The following DOCK2 variants were observed in gnomAD, a reference collection of about 807,000 sequenced individuals.
DOCK2 encodes dedicator of cytokinesis protein 2.
A neutral mutation model predicts 248.9 loss-of-function variants in DOCK2; 87 were observed. That is an observed-to-expected ratio of 0.35 (90% CI 0.29 to 0.42). The LOEUF (loss-of-function observed/expected upper bound fraction) is 0.42, where lower values mean the gene tolerates loss of function less well. Among genes scored for constraint, DOCK2 ranks in the 10% least tolerant of loss-of-function variants. The pLI is 1.00. For synonymous variants in DOCK2, 805 were observed against 821.6 expected, an observed-to-expected ratio of 0.98 and a Z score of 0.35; for missense variants, 1,747 against 2,300.2, an observed-to-expected ratio of 0.76 and a Z score of 4.92.
chr5:169,681,937 C>T lies in DOCK2; in HGVS notation c.606+58C>T, dbSNP rs969852864. On this transcript the variant is annotated intron_variant, in intron 7 of 51. Coordinates refer to ENST00000520908, the MANE Select transcript of DOCK2 (RefSeq NM_004946.3). ...ATACAATCATTTAGCACATCATAAA[C>T]TTAAAATAATGGGCTAATGAACCAG... 2.5e-6 allele frequency: 4 copies of T among 1,593,426 alleles called. No homozygotes were observed. In the Admixed American group the frequency reaches 5.1e-5, roughly 21 times the overall value.
intron 27 of DOCK2, among the ~76,000 whole-genome samples, chr5:169,933,459 A>C (rs973199886): frequency 3.3e-5 from 5 of 152,252 alleles, no homozygotes; most frequent in Non-Finnish European, 5.9e-5. Context: ...CTGGTAAATC[A>C]GTCATTATCC....
chr5:169,761,719 G>GT (rs753764852), intron 25 of DOCK2, 94 bp downstream of exon 25: 3 of 968,124 alleles, frequency 3.1e-6, no homozygotes, highest in Non-Finnish European at 4.8e-6. Flanking sequence ...AACCTGTCCA[G>GT]TGACTATAAC....
intron 1 of DOCK2, among the ~76,000 whole-genome samples, chr5:169,651,755 G>A (rs980145677): frequency 4.6e-5 from 7 of 152,150 alleles, no homozygotes; most frequent in Admixed American, 2.6e-4. Flanking sequence ...GGCCAAGTGC[G>A]GAGGGAATGA....
rs1581078078 is a variant in DOCK2, at chr5:169,712,020, C to A, written c.1555+13C>A. ...TCATCTCTGGAATGTGAGTACCATACTGAATGGCATCTCTGCACCTCCCCC... is the reference window on the plus strand; with the variant it reads ...TCATCTCTGGAATGTGAGTACCATAATGAATGGCATCTCTGCACCTCCCCC... On this transcript the variant is annotated intron_variant, in intron 16 of 51. Coordinates refer to ENST00000520908, the MANE Select transcript of DOCK2 (RefSeq NM_004946.3). 3 of 1,613,998 alleles carry A rather than the reference C, an allele frequency of 1.9e-6. No homozygotes were observed. In the African/African-American group the frequency reaches 4.0e-5, roughly 22 times the overall value.
intron 23 of DOCK2, 106 bp from the exon 24 acceptor site, chr5:169,759,599 G>A (rs1274010826): frequency 6.5e-6 from 8 of 1,222,304 alleles, no homozygotes; most frequent in Non-Finnish European, 9.5e-6. Context: ...TGTCCAGGAT[G>A]CAGAATCATT....
intron 27 of DOCK2, chr5:169,980,385 A>T: frequency 6.6e-6 from 1 of 152,228 alleles, no homozygotes; most frequent in East Asian, 1.9e-4. Flanking sequence ...TAAGTCCTTC[A>T]TATTGTAATT....
chr5:169,949,381 A>G (rs1365296373), intron 27 of DOCK2, among the ~76,000 whole-genome samples: 1 of 152,132 alleles, frequency 6.6e-6, no homozygotes, highest in Non-Finnish European at 1.5e-5. Context: ...ATCCCATTCC[A>G]TGTTCCTGGG....
Position 169,767,222 on chromosome 5 carries a change from C to G in DOCK2, c.2554+5597C>G, listed in dbSNP as rs575738284. On this transcript the variant is annotated intron_variant, in intron 25 of 51. Coordinates refer to ENST00000520908, the MANE Select transcript of DOCK2 (RefSeq NM_004946.3). ...GAAGTGTCTGTTCATGTCCTTTGTC[C>G]GCTTTTTAATGGGGTTGTTGTTTTT... Among the ~76,000 whole-genome samples the G allele has an allele frequency of 4.6e-5, 7 of 152,240 alleles. No individual in the cohort carries two copies. In the East Asian group the frequency reaches 1.3e-3, roughly 29 times the overall value.
At chr5:169,917,137 AC>A (rs1229709626) in intron 27 of DOCK2, among the ~76,000 whole-genome samples, 1 of 152,184 alleles carries the variant, frequency 6.6e-6, no homozygotes, top group Non-Finnish European at 1.5e-5. Flanking sequence ...ACAAAAGACA[AC>A]CTTTTTTAGT....
chr5:169,722,876 TG>T (rs1762282922), intron 22 of DOCK2, among the ~76,000 whole-genome samples: 1 of 152,206 alleles, frequency 6.6e-6, no homozygotes, highest in South Asian at 2.1e-4. Context: ...TTTATTTCTC[TG>T]GAGGCAGGGA....
chr5:169,732,108 G>T (rs923732534), intron 22 of DOCK2, among the ~76,000 whole-genome samples: 7 of 152,154 alleles, frequency 4.6e-5, no homozygotes, highest in Admixed American at 1.3e-4. Flanking sequence ...GACAGAGTGA[G>T]ACCCCATCTT....
intron 19 of DOCK2, among the ~76,000 whole-genome samples, chr5:169,715,470 C>T (rs1484031826): frequency 6.6e-6 from 1 of 152,112 alleles, no homozygotes; most frequent in East Asian, 1.9e-4. Flanking sequence ...ACCCATCTAC[C>T]TCGTTCAGCA....
chr5:170,007,244 A>G (rs576774742), intron 30 of DOCK2, among the ~76,000 whole-genome samples: 127 of 152,276 alleles, frequency 8.3e-4, no homozygotes, highest in African/African-American at 3.0e-3. Flanking sequence ...AATGTTGCCT[A>G]TCCTCTTGCT....
At position 169,995,033 on chromosome 5, in the gene DOCK2, T is replaced by A. The variant is rs7726908; in HGVS notation, c.2994-1053T>A. ...TGACCAGTATTGTTATTTTTTATTT[T>A]TTTTTTTTTTTTTTTGAGAGAGACT... On this transcript the variant is annotated intron_variant, in intron 29 of 51. Coordinates refer to ENST00000520908, the MANE Select transcript of DOCK2 (RefSeq NM_004946.3). 9.9e-3 allele frequency among the ~76,000 whole-genome samples: 786 copies of A among 79,784 alleles called. 4 individuals are homozygous for A. Among genetic ancestry groups the A allele is most frequent in the Middle Eastern group, 0.025 (5 of 200 alleles). 52.3% of individuals were successfully genotyped at this position (79,784 alleles called of 152,430 possible).
At chr5:169,746,229 A>C (rs1031705923) in intron 22 of DOCK2, among the ~76,000 whole-genome samples, 1 of 152,180 alleles carries the variant, frequency 6.6e-6, no homozygotes, top group African/African-American at 2.4e-5. Flanking sequence ...AAACCCAAGG[A>C]GAGAAAGAGA....
chr5:170,053,735 A>G (rs1207963267), intron 41 of DOCK2, among the ~76,000 whole-genome samples: 3 of 152,246 alleles, frequency 2.0e-5, no homozygotes, highest in Non-Finnish European at 2.9e-5. Flanking sequence ...AGAGAAATCT[A>G]TTTAAGGCAG....
intron 24 of DOCK2, chr5:169,761,265 A>G: frequency 2.7e-6 from 1 of 375,680 alleles, no homozygotes. Flanking sequence ...GCAAAATGCA[A>G]AGTGTGTGCT....
intron 27 of DOCK2, among the ~76,000 whole-genome samples, chr5:169,948,834 T>C (rs961035692): frequency 6.6e-6 from 1 of 152,086 alleles, no homozygotes; most frequent in Non-Finnish European, 1.5e-5. Flanking sequence ...TTTGTCTCTT[T>C]TTTTTTTCTT....
chr5:169,715,602 T>C (rs888325697), intron 19 of DOCK2, among the ~76,000 whole-genome samples: 3 of 151,952 alleles, frequency 2.0e-5, no homozygotes. Context: ...TTTCTTTTTT[T>C]TTTTTTAAAA....
Sources: allele counts gnomAD v4.1 joint callset (sites outside exome capture counted in the v4.1 genomes callset), GRCh38; gene constraint gnomAD v4.1.1; transcripts MANE v1.5; gene names NCBI Gene and HGNC (gene_info 2026-07-23, HGNC 2026-07-21).